The following CPED1 variants were observed in gnomAD, a reference collection of about 807,000 sequenced individuals.
CPED1 encodes cadherin like and PC-esterase domain containing 1, also known as cadherin-like and PC-esterase domain-containing protein 1.
CPED1 carries 114 observed loss-of-function variants against 128.2 expected under a neutral mutation model. The observed-to-expected ratio is 0.89, with a 90% CI of 0.76 to 1.04. The LOEUF (loss-of-function observed/expected upper bound fraction) is 1.04. Among genes scored for constraint, CPED1 ranks in the 50% least tolerant of loss-of-function variants. The pLI is 0.00. For missense variants in CPED1, 1,211 were observed against 1,207.1 expected, an observed-to-expected ratio of 1.00 and a Z score of -0.05; for synonymous variants, 462 against 426.7, an observed-to-expected ratio of 1.08 and a Z score of -1.02.
chr7:121,234,488 T>C (rs1534017), intron 16 of CPED1, among the ~76,000 whole-genome samples: 69,039 of 151,844 alleles, frequency 0.45, 16,348 homozygotes, highest in Middle Eastern at 0.56. Context: ...AAGTAACGTC[T>C]AACATGGTAC....
chr7:121,031,523 A>G (rs896958737), intron 3 of CPED1, among the ~76,000 whole-genome samples: 27 of 152,104 alleles, frequency 1.8e-4, no homozygotes, highest in African/African-American at 6.3e-4. Context: ...CTTAAACTTA[A>G]GTAATCCACT....
chr7:121,010,009 C>T (rs1792119354), intron 2 of CPED1, among the ~76,000 whole-genome samples: 1 of 152,148 alleles, frequency 6.6e-6, no homozygotes, highest in African/African-American at 2.4e-5. Context: ...TTCATCCATT[C>T]CTTCTTATTT....
At chr7:121,030,899 C>T (rs1407893533) in intron 3 of CPED1, among the ~76,000 whole-genome samples, 1 of 152,140 alleles carries the variant, frequency 6.6e-6, no homozygotes, top group Non-Finnish European at 1.5e-5. Flanking sequence ...TATGTATTAA[C>T]TAATCTATTT....
chr7:121,108,072 G>A (rs529206593), intron 7 of CPED1, among the ~76,000 whole-genome samples: 61 of 152,146 alleles, frequency 4.0e-4, no homozygotes, highest in African/African-American at 1.1e-3. Context: ...AGCCTACATA[G>A]CAGTGAGATG....
intron 5 of CPED1, among the ~76,000 whole-genome samples, chr7:121,066,200 CA>C (rs1650383151): frequency 6.6e-6 from 1 of 152,030 alleles, no homozygotes. Flanking sequence ...TATCAAAAGG[CA>C]AAATGTCCTG....
At chr7:121,251,908 A>G (rs1159277955) in intron 18 of CPED1, among the ~76,000 whole-genome samples, 4 of 151,734 alleles carry the variant, frequency 2.6e-5, no homozygotes, top group African/African-American at 7.3e-5. Context: ...TTACAGATTC[A>G]ATGCCATCCC....
At chr7:121,051,368 G>GC in intron 4 of CPED1, 2 of 332,982 alleles carry the variant, frequency 6.0e-6, no homozygotes, top group African/African-American at 4.5e-5. Flanking sequence ...AAATGTAAAT[G>GC]CCTTTTTTTT....
intron 6 of CPED1, 43 bp from the exon 7 acceptor site, chr7:121,099,883 C>T: frequency 2.5e-6 from 4 of 1,582,380 alleles, no homozygotes; most frequent in Non-Finnish European, 3.4e-6. Flanking sequence ...ATGTACTCAA[C>T]CCTACATTAT....
intron 2 of CPED1, among the ~76,000 whole-genome samples, chr7:121,011,713 A>T (rs1792166442): frequency 6.6e-6 from 1 of 152,192 alleles, no homozygotes; most frequent in Non-Finnish European, 1.5e-5. Flanking sequence ...CCCAGGAAAA[A>T]AATCAAATAA....
intron 16 of CPED1, among the ~76,000 whole-genome samples, chr7:121,184,105 C>T (rs1478681476): frequency 6.6e-6 from 1 of 150,724 alleles, no homozygotes. Context: ...CGCGCCACTG[C>T]ACTGCAGCCT....
intron 18 of CPED1, among the ~76,000 whole-genome samples, chr7:121,253,250 G>A (rs1170500269): frequency 6.9e-6 from 1 of 143,928 alleles, no homozygotes; most frequent in Non-Finnish European, 1.5e-5. Context: ...CTCATAGGTG[G>A]GAATTGAACC....
intron 16 of CPED1, among the ~76,000 whole-genome samples, chr7:121,226,211 G>A (rs190845301): frequency 1.2e-4 from 18 of 152,122 alleles, no homozygotes; most frequent in South Asian, 8.3e-4. Flanking sequence ...GTTTCTGTTC[G>A]TTAGCTTTTC....
intron 4 of CPED1, among the ~76,000 whole-genome samples, chr7:121,057,131 C>T (rs1793519449): frequency 1.3e-5 from 2 of 152,022 alleles, no homozygotes; most frequent in South Asian, 4.1e-4. Context: ...GTGCACGCCA[C>T]CAGACTCAGC....
At position 121,297,378 on chromosome 7, in the gene CPED1, G is replaced by A. The variant is rs569339644; in HGVS notation, c.*1726G>A. The A allele has an allele frequency of 2.0e-5, 3 of 152,144 alleles. No individual in the cohort carries two copies. The highest frequency in any genetic ancestry group is 1.3e-4 in the Admixed American group (2 of 15,272). The allele number at this position is 152,144 out of a possible 1,614,324, so 9.4% of individuals were successfully genotyped here. On this transcript the variant is annotated 3_prime_UTR_variant, in exon 23 of 23. Coordinates refer to ENST00000310396, the MANE Select transcript of CPED1 (RefSeq NM_024913.5). ...TTACTCTGGTATTTATCTCTTCGCT[G>A]CTGAAATAATAATGGATTTTAGAAA...
chr7:121,039,444 A>G (rs1015531557), intron 3 of CPED1, among the ~76,000 whole-genome samples: 1 of 152,038 alleles, frequency 6.6e-6, no homozygotes, highest in African/African-American at 2.4e-5. Context: ...TCATTCCTCC[A>G]ACAACATGTT....
At chr7:121,250,630 C>G (rs940780403) in intron 18 of CPED1, among the ~76,000 whole-genome samples, 2 of 152,092 alleles carry the variant, frequency 1.3e-5, no homozygotes, top group South Asian at 2.1e-4. Flanking sequence ...AAATGACAAA[C>G]GGGATATCAC....
intron 16 of CPED1, among the ~76,000 whole-genome samples, chr7:121,191,969 G>A (rs10085590): frequency 0.61 from 92,428 of 151,868 alleles, 28,514 homozygotes; most frequent in East Asian, 0.88. Flanking sequence ...AGTGATATAA[G>A]TAGGCCTTAA....
Position 121,271,316 on chromosome 7 carries a change from G to A in CPED1, c.2754G>A (p.Leu918=), listed in dbSNP as rs756624153. 6.2e-7 allele frequency: 1 copy of A among 1,611,618 alleles called. No homozygotes were observed. ...TACAGAACTTATGGAAAGAAAATTTGATTATTCTGGATACTGCAAAAAAAC... is the reference window on the plus strand; with the variant it reads ...TACAGAACTTATGGAAAGAAAATTTAATTATTCTGGATACTGCAAAAAAAC... The part of the protein sequence containing the change: ...SEVQNLWKEN[L]IILDTAKKHG... The change falls in exon 22 of 23, where the codon TTG becomes TTA. Residue 918 remains leucine, a synonymous_variant. Coordinates refer to ENST00000310396, the MANE Select transcript of CPED1 (RefSeq NM_024913.5).
At chr7:121,083,398 C>T (rs115201314) in intron 5 of CPED1, among the ~76,000 whole-genome samples, 70 of 152,230 alleles carry the variant, frequency 4.6e-4, no homozygotes, top group Middle Eastern at 3.4e-3. Context: ...TGAAGCTGTC[C>T]TTCTGGTCTT....
Sources: allele counts gnomAD v4.1 joint callset (sites outside exome capture counted in the v4.1 genomes callset), GRCh38; gene constraint gnomAD v4.1.1; transcripts MANE v1.5; gene names NCBI Gene and HGNC (gene_info 2026-07-23, HGNC 2026-07-21).